Variants in CTBP2 observed in about 807,000 individuals in gnomAD.
CTBP2 encodes the protein C-terminal binding protein 2.
In CTBP2, 30 loss-of-function variants were observed where a neutral mutation model predicts 80.3. The observed-to-expected ratio is 0.37, with a 90% confidence interval of 0.28 to 0.51. The LOEUF is 0.51. Ranked by LOEUF, CTBP2 falls within the 20% of genes least tolerant of loss-of-function variation. The pLI is 0.93. For missense variants in CTBP2, 1,212 were observed against 1,375.3 expected (o/e 0.88, Z 1.88); for synonymous variants, 594 against 587.4 (o/e 1.01, Z -0.16).
chr10:125,091,929 T>C (rs1037462219), intron 2 of CTBP2, among the ~76,000 whole-genome samples: 1 of 152,222 alleles, frequency 6.6e-6, no homozygotes, highest in Non-Finnish European at 1.5e-5. Flanking sequence ...ATGGTTCTAT[T>C]CATAAATGTT....
At chr10:125,012,674 C>T (rs1956063743) in intron 1 of CTBP2, among the ~76,000 whole-genome samples, 1 of 152,166 alleles carries the variant, frequency 6.6e-6, no homozygotes, top group South Asian at 2.1e-4. Flanking sequence ...GAGTCTCACG[C>T]TGTTGTCCAG....
intron 3 of CTBP2, among the ~76,000 whole-genome samples, chr10:125,038,325 T>C (rs575940259): frequency 6.6e-6 from 1 of 151,930 alleles, no homozygotes; most frequent in East Asian, 1.9e-4. Flanking sequence ...TGTAGGGCAG[T>C]ACCAGCAATC....
intron 1 of CTBP2, among the ~76,000 whole-genome samples, chr10:125,123,183 C>A (rs904510292): frequency 6.6e-6 from 1 of 152,022 alleles, no homozygotes; most frequent in East Asian, 1.9e-4. Context: ...AGCTGGGGAC[C>A]GTCCTGGCCA....
chr10:125,038,954 G>A, intron 3 of CTBP2, 43 bp downstream of exon 3: 1 of 1,594,318 alleles, frequency 6.3e-7, no homozygotes, highest in South Asian at 1.1e-5. Context: ...ATTTGAGTGA[G>A]GGACTACGTA....
At chr10:125,098,736 G>GAGAGAGAC (rs1850084700) in intron 2 of CTBP2, among the ~76,000 whole-genome samples, 1 of 122,548 alleles carries the variant, frequency 8.2e-6, no homozygotes, top group African/African-American at 3.4e-5. Flanking sequence ...GAGAGAGAGA[G>GAGAGAGAC]AGAGAGAGAG....
At chr10:125,099,193 A>G (rs921607212) in intron 2 of CTBP2, among the ~76,000 whole-genome samples, 5 of 152,230 alleles carry the variant, frequency 3.3e-5, no homozygotes, top group African/African-American at 1.2e-4. Context: ...CCTAGGTTCA[A>G]ATCTGACGTC....
intron 1 of CTBP2, among the ~76,000 whole-genome samples, chr10:125,123,483 T>G (rs1854684749): frequency 6.6e-6 from 1 of 152,270 alleles, no homozygotes; most frequent in Non-Finnish European, 1.5e-5. Flanking sequence ...TATGTGAATC[T>G]GCAATTACTT....
At chr10:125,093,391 C>T (rs1849076479) in intron 2 of CTBP2, among the ~76,000 whole-genome samples, 1 of 152,224 alleles carries the variant, frequency 6.6e-6, no homozygotes, top group Non-Finnish European at 1.5e-5. Context: ...ATTCTAGCCA[C>T]TTCTTTGTAT....
At chr10:125,039,115 G>A (rs1259791582) in exon 3 of CTBP2, 1 of 1,460,128 alleles carries the variant, frequency 6.8e-7, no homozygotes, top group East Asian at 2.3e-5. Context: ...AGAACTTAGG[G>A]GAACTTGCAG....
intron 2 of CTBP2, among the ~76,000 whole-genome samples, chr10:125,083,829 G>A (rs1458116458): frequency 2.0e-5 from 3 of 152,096 alleles, no homozygotes; most frequent in Non-Finnish European, 4.4e-5. Context: ...TCATCCAGCT[G>A]GAGTGCAGTG....
intron 1 of CTBP2, among the ~76,000 whole-genome samples, chr10:125,131,224 G>C (rs1409327905): frequency 4.6e-5 from 7 of 152,210 alleles, no homozygotes; most frequent in Admixed American, 1.3e-4. Flanking sequence ...GGGGCCACCA[G>C]TCACTCACAT....
At chr10:125,084,006 C>T (rs1410284738) in intron 2 of CTBP2, among the ~76,000 whole-genome samples, 5 of 152,198 alleles carry the variant, frequency 3.3e-5, no homozygotes, top group Non-Finnish European at 5.9e-5. Context: ...GTCTAGAACT[C>T]CTAATCTCAA....
chr10:125,119,918 T>C (rs779943028), intron 1 of CTBP2, among the ~76,000 whole-genome samples: 3 of 152,224 alleles, frequency 2.0e-5, no homozygotes, highest in Non-Finnish European at 4.4e-5. Context: ...ACACCAACAT[T>C]GTAAAGTGGC....
intron 1 of CTBP2, among the ~76,000 whole-genome samples, chr10:125,009,533 C>A (rs1293505081): frequency 3.3e-5 from 5 of 152,208 alleles, no homozygotes; most frequent in Non-Finnish European, 7.3e-5. Flanking sequence ...GCGGCCTGCT[C>A]CCCAATTAAG....
intron 2 of CTBP2, among the ~76,000 whole-genome samples, chr10:125,056,487 G>A (rs1963964372): frequency 6.6e-6 from 1 of 152,202 alleles, no homozygotes; most frequent in South Asian, 2.1e-4. Context: ...GCCTTCAGAA[G>A]AGTGTGCCAT....
chr10:124,990,661 C>T (rs547338540), intron 8 of CTBP2, among the ~76,000 whole-genome samples: 8 of 152,256 alleles, frequency 5.3e-5, no homozygotes, highest in Non-Finnish European at 1.2e-4. Flanking sequence ...TTGTCTCCCT[C>T]CATCCCCCTA....
In CTBP2 at chr10:124,989,552, T is replaced by C; in HGVS notation, c.2924A>G (p.His975Arg). ...GTTGGGGTGCTCTCGATTGTCCCCG[T>C]GTTTTGTGGGCTGGTTGGGAGAGGG... The change falls in exon 9 of 9, where the codon CAC becomes CGC. Residue 975 changes from histidine (H) to arginine (R), a missense_variant. This residue lies in a region of CTBP2 where 335 missense variants were observed against 504.7 expected (regional missense o/e 0.66). Transcript: ENST00000309035. 6.2e-7 allele frequency: 1 copy of C among 1,613,390 alleles called. No homozygotes were observed.
chr10:125,142,668 G>A (rs988806130), intron 1 of CTBP2, among the ~76,000 whole-genome samples: 120 of 152,294 alleles, frequency 7.9e-4, no homozygotes, highest in African/African-American at 2.8e-3. Flanking sequence ...AAAAGCAAAT[G>A]ATAAAATTAA....
At chr10:125,006,696 T>A (rs1955287643) in intron 1 of CTBP2, among the ~76,000 whole-genome samples, 1 of 152,216 alleles carries the variant, frequency 6.6e-6, no homozygotes, top group African/African-American at 2.4e-5. Context: ...AGCAAGTTTT[T>A]AACCTATTAG....
Sources: allele counts gnomAD v4.1 joint callset (sites outside exome capture counted in the v4.1 genomes callset), GRCh38; gene constraint gnomAD v4.1.1; regional missense constraint gnomAD v4.1.1; transcripts MANE v1.5; gene names NCBI Gene and HGNC (gene_info 2026-07-23, HGNC 2026-07-21).